Variants in NT5E observed in about 807,000 individuals in gnomAD.
NT5E encodes 5'-nucleotidase ecto.
In NT5E, 53 loss-of-function variants were observed where a neutral mutation model predicts 55.1. That is an observed-to-expected ratio of 0.96 (90% confidence interval 0.77 to 1.21). The LOEUF (loss-of-function observed/expected upper bound fraction) is 1.21. NT5E is among the 50% of genes most tolerant of loss of function. The pLI is 0.00. For missense variants in NT5E, 683 were observed against 724.3 expected (o/e 0.94, Z 0.65); for synonymous variants, 270 against 278.4 (o/e 0.97, Z 0.30).
chr6:85,494,153 C>G lies in NT5E; in HGVS notation c.*149C>G. On this transcript the variant is annotated 3_prime_UTR_variant, in exon 9 of 9. Coordinates refer to ENST00000257770, the MANE Select transcript of NT5E (RefSeq NM_002526.4). ...GTTAGAGCATTATAAAATGAAGAGA[C>G]AGACATGATTACTCAGGGTCAGCAA... is the stretch of plus-strand genomic sequence containing the variant. 1 of 780,096 alleles carries G rather than the reference C, an allele frequency of 1.3e-6. No homozygotes were observed. The highest frequency in any genetic ancestry group is 2.1e-6 in the Non-Finnish European group (1 of 478,534). The allele number at this position is 780,096 out of a possible 1,614,324, so 48.3% of individuals were successfully genotyped here.
At chr6:85,452,500 T>G (rs753657730) in intron 1 of NT5E, among the ~76,000 whole-genome samples, 2 of 152,182 alleles carry the variant, frequency 1.3e-5, no homozygotes, top group Non-Finnish European at 1.5e-5. Flanking sequence ...TGAAATTACT[T>G]TCTTTCAAAT....
intron 3 of NT5E, among the ~76,000 whole-genome samples, chr6:85,472,945 C>T (rs1488040518): frequency 1.3e-5 from 2 of 151,956 alleles, no homozygotes; most frequent in Non-Finnish European, 2.9e-5. Flanking sequence ...ATAGATTAGG[C>T]ACTTACATTA....
chr6:85,455,776 C>G (rs1415576837), intron 1 of NT5E, among the ~76,000 whole-genome samples: 2 of 152,132 alleles, frequency 1.3e-5, no homozygotes, highest in East Asian at 1.9e-4. Flanking sequence ...GAGATAGTAT[C>G]AGAATTGAAT....
chr6:85,458,755 G>A (rs551134171), intron 1 of NT5E, among the ~76,000 whole-genome samples: 6 of 152,258 alleles, frequency 3.9e-5, no homozygotes, highest in South Asian at 2.1e-4. Context: ...TCAATTAGTT[G>A]GGCAGTTAAT....
intron 2 of NT5E, among the ~76,000 whole-genome samples, 184 bp from the exon 3 acceptor site, chr6:85,471,053 A>G (rs1397343646): frequency 6.6e-6 from 1 of 152,204 alleles, no homozygotes; most frequent in Non-Finnish European, 1.5e-5. Context: ...TGTAATGAGG[A>G]TATTGATTTG....
intron 2 of NT5E, among the ~76,000 whole-genome samples, chr6:85,469,129 A>T (rs1769253721): frequency 6.6e-6 from 1 of 152,146 alleles, no homozygotes; most frequent in African/African-American, 2.4e-5. Context: ...CATTTAATCT[A>T]ATTTATTTTA....
chr6:85,450,118 ACC>A lies in NT5E; in HGVS notation c.-20_-19del, dbSNP rs1465768577. 27 of 1,543,652 alleles carry A rather than the reference ACC, an allele frequency of 1.7e-5. No individual in the cohort carries two copies. The highest frequency in any genetic ancestry group is 2.3e-5 in the Non-Finnish European group (26 of 1,148,636). ...ACTCGCCCGGCTCGCCCGCTTTCGC[ACC>A]CAGTTCACGCGCCACAGCTATGTGT... On this transcript the variant is annotated 5_prime_UTR_variant, in exon 1 of 9. Transcript: ENST00000257770. This position sits in a 1 kb window ranked among gnomAD's most constrained non-coding sequence, Gnocchi z 4.0.
At chr6:85,464,348 G>T (rs192915959) in intron 1 of NT5E, among the ~76,000 whole-genome samples, 8 of 152,226 alleles carry the variant, frequency 5.3e-5, no homozygotes, top group Non-Finnish European at 8.8e-5. Context: ...CTGGCATGTG[G>T]CAAGTGCTGA....
intron 3 of NT5E, among the ~76,000 whole-genome samples, chr6:85,473,639 ATGTGCAAACACATACAAG>A (rs1030548675): frequency 6.6e-5 from 10 of 152,244 alleles, no homozygotes; most frequent in African/African-American, 2.4e-4. Flanking sequence ...AAGCACTTGT[ATGTGCAAACACATACAAG>A]TGAAAGAAAA....
chr6:85,477,578 G>C (rs143233316), intron 3 of NT5E, among the ~76,000 whole-genome samples: 3 of 152,310 alleles, frequency 2.0e-5, no homozygotes, highest in African/African-American at 7.2e-5. Flanking sequence ...ATGCATCCCT[G>C]CTGTAATAGG....
chr6:85,493,763 T>C, intron 8 of NT5E, 78 bp from the exon 9 acceptor site: 1 of 1,282,558 alleles, frequency 7.8e-7, no homozygotes, highest in Non-Finnish European at 1.1e-6. Flanking sequence ...GCTTCCCTTT[T>C]ATAATTACAA....
intron 3 of NT5E, among the ~76,000 whole-genome samples, chr6:85,481,155 C>A (rs1769542106): frequency 6.6e-6 from 1 of 152,216 alleles, no homozygotes; most frequent in Non-Finnish European, 1.5e-5. Context: ...CTAGCACCTA[C>A]CACATGCTAG....
chr6:85,490,754 A>G (rs1485501650), intron 7 of NT5E, 97 bp downstream of exon 7: 2 of 1,424,872 alleles, frequency 1.4e-6, no homozygotes, highest in East Asian at 4.6e-5. Flanking sequence ...CCTGTGGTCA[A>G]ACTGGTTTGG....
intron 2 of NT5E, among the ~76,000 whole-genome samples, chr6:85,470,510 G>A (rs1044553223): frequency 1.3e-5 from 2 of 152,204 alleles, no homozygotes; most frequent in Non-Finnish European, 2.9e-5. Context: ...GAGTGCAGTG[G>A]TATGGTCTCG....
Position 85,460,254 on chromosome 6 carries a change from C to A in NT5E, c.340-6806C>A, listed in dbSNP as rs966291331. On this transcript the variant is annotated intron_variant, in intron 1 of 8. Coordinates refer to ENST00000257770, the MANE Select transcript of NT5E (RefSeq NM_002526.4). ...TGGCAGATGCTAAGAAAAACTTGTCCCTAAGAAGAGAGAAGTCAATTGATT... is the reference window on the plus strand; with the variant it reads ...TGGCAGATGCTAAGAAAAACTTGTCACTAAGAAGAGAGAAGTCAATTGATT... Among the ~76,000 whole-genome samples, 3 of 152,230 alleles carry A rather than the reference C, an allele frequency of 2.0e-5. No individual in the cohort carries two copies. The East Asian group carries it at 5.8e-4, about 29-fold the overall frequency.
rs547330651 is a variant in NT5E at position 85,467,881 on chromosome 6, GAC to G, written c.562+607_562+608del. Among the ~76,000 whole-genome samples, 63 of 151,218 alleles carry G rather than the reference GAC, an allele frequency of 4.2e-4. No homozygotes were observed. The South Asian group carries it at 4.4e-3, about 11-fold the overall frequency. On this transcript the variant is annotated intron_variant, in intron 2 of 8. Coordinates refer to ENST00000257770, the MANE Select transcript of NT5E (RefSeq NM_002526.4). ...GTATATATAATATATATAATCTTAA[GAC>G]ACACACATACATATATGACACATAT...
intron 3 of NT5E, among the ~76,000 whole-genome samples, chr6:85,473,842 T>C (rs1769372703): frequency 6.6e-6 from 1 of 152,242 alleles, no homozygotes; most frequent in Admixed American, 6.5e-5. Context: ...CAAAGGAGTT[T>C]CATCCCTTCA....
chr6:85,493,174 T>TA (rs1769822352), intron 8 of NT5E, among the ~76,000 whole-genome samples: 1 of 152,220 alleles, frequency 6.6e-6, no homozygotes, highest in South Asian at 2.1e-4. Context: ...AGGAGCATTT[T>TA]AAATTAAATA....
intron 1 of NT5E, among the ~76,000 whole-genome samples, chr6:85,452,726 T>C (rs1768910072): frequency 6.6e-6 from 1 of 152,218 alleles, no homozygotes; most frequent in Admixed American, 6.5e-5. Context: ...TCTGCTGTAC[T>C]CCAGTATTGC....
Sources: allele counts gnomAD v4.1 joint callset (sites outside exome capture counted in the v4.1 genomes callset), GRCh38; gene constraint gnomAD v4.1.1; non-coding constraint Gnocchi (gnomAD v3.1); transcripts MANE v1.5; gene names NCBI Gene and HGNC (gene_info 2026-07-23, HGNC 2026-07-21).